Variants in SEMA4D observed in about 807,000 individuals in gnomAD.
The protein encoded by SEMA4D is semaphorin-4D.
Under a neutral mutation model 74.8 loss-of-function variants are expected in SEMA4D, and 22 were observed. That is an observed-to-expected ratio of 0.29 (90% CI 0.21 to 0.42). The LOEUF is 0.42. Ranked by LOEUF, SEMA4D falls within the 10% of genes least tolerant of loss-of-function variation. SEMA4D has a pLI of 1.00. For missense variants in SEMA4D, 937 were observed against 1,118.4 expected, an observed-to-expected ratio of 0.84 and a Z score of 2.31; for synonymous variants, 445 against 463.7, an observed-to-expected ratio of 0.96 and a Z score of 0.52.
Position 89,380,561 on chromosome 9 carries a change from G to A in SEMA4D, c.1663+494C>T, listed in dbSNP as rs182525645. Among the ~76,000 whole-genome samples the A allele has an allele frequency of 1.2e-4, 19 of 152,338 alleles. No individual in the cohort carries two copies. The East Asian group carries it at 1.4e-3, about 11-fold the overall frequency. On this transcript the variant is annotated intron_variant, in intron 15 of 15. Coordinates refer to ENST00000422704, the MANE Select transcript of SEMA4D (RefSeq NM_001371194.2). ...GGGTCAGGAAGACACAGAACTGAGG[G>A]TCAAGTCTGCCTTTAGCACCCTGGA...
intron 1 of SEMA4D, among the ~76,000 whole-genome samples, chr9:89,490,443 C>A (rs1436584953): frequency 6.6e-6 from 1 of 152,194 alleles, no homozygotes; most frequent in Non-Finnish European, 1.5e-5. Flanking sequence ...GAAAGCCATT[C>A]GAATCCAGTA....
At chr9:89,397,663 C>T (rs190015057) in intron 5 of SEMA4D, among the ~76,000 whole-genome samples, 12 of 152,350 alleles carry the variant, frequency 7.9e-5, no homozygotes, top group Admixed American at 3.3e-4. Context: ...TGCACACCCC[C>T]GGAAACCGGA....
At chr9:89,451,267 G>A (rs1397595076) in intron 2 of SEMA4D, among the ~76,000 whole-genome samples, 1 of 152,012 alleles carries the variant, frequency 6.6e-6, no homozygotes, top group Non-Finnish European at 1.5e-5. Context: ...ATTCGGTGTG[G>A]CCGACTCCTC....
At chr9:89,424,817 C>T (rs560908607) in intron 2 of SEMA4D, among the ~76,000 whole-genome samples, 6 of 152,256 alleles carry the variant, frequency 3.9e-5, no homozygotes, top group Admixed American at 1.3e-4. Context: ...CACCTTCTTA[C>T]GGCCCCTGTG....
intron 2 of SEMA4D, among the ~76,000 whole-genome samples, chr9:89,444,391 A>G (rs900290046): frequency 2.0e-5 from 3 of 152,172 alleles, no homozygotes; most frequent in Non-Finnish European, 4.4e-5. Context: ...CACACAGCAC[A>G]TGAGGGGACT....
chr9:89,379,745 T>A, intron 15 of SEMA4D, 116 bp from the exon 16 acceptor site: 1 of 1,240,908 alleles, frequency 8.1e-7, no homozygotes, highest in Non-Finnish European at 1.1e-6. Context: ...CAACATGGAA[T>A]CTTCCAGAAC....
chr9:89,413,926 A>C (rs1488314658), intron 2 of SEMA4D, among the ~76,000 whole-genome samples: 1 of 152,236 alleles, frequency 6.6e-6, no homozygotes, highest in Non-Finnish European at 1.5e-5. Flanking sequence ...GCATCTGTGC[A>C]TGTGTCACTC....
At chr9:89,397,430 G>A (rs1841227214) in intron 5 of SEMA4D, among the ~76,000 whole-genome samples, 1 of 152,146 alleles carries the variant, frequency 6.6e-6, no homozygotes, top group South Asian at 2.1e-4. Flanking sequence ...CCAACCCAGG[G>A]TCCCAGTCCA....
chr9:89,479,603 G>C (rs957214173), intron 1 of SEMA4D: 2 of 173,436 alleles, frequency 1.2e-5, no homozygotes, highest in African/African-American at 4.8e-5. Flanking sequence ...CCCTTCTGAT[G>C]TTCAGATGTG....
At chr9:89,437,301 C>A (rs1363996939) in intron 2 of SEMA4D, among the ~76,000 whole-genome samples, 1 of 152,232 alleles carries the variant, frequency 6.6e-6, no homozygotes, top group Non-Finnish European at 1.5e-5. Flanking sequence ...AGGTTTTCCT[C>A]CCACAGCGGC....
intron 1 of SEMA4D, among the ~76,000 whole-genome samples, chr9:89,474,023 T>A (rs1344027488): frequency 6.6e-6 from 1 of 151,550 alleles, no homozygotes; most frequent in Non-Finnish European, 1.5e-5. Context: ...AGAAGACGGG[T>A]ACCATGCCCA....
chr9:89,411,060 C>T (rs1350242407), intron 2 of SEMA4D, among the ~76,000 whole-genome samples: 1 of 152,162 alleles, frequency 6.6e-6, no homozygotes, highest in Non-Finnish European at 1.5e-5. Context: ...GGTCTTCTTT[C>T]TTAGGAAGCG....
chr9:89,383,444 C>G (rs1035040855), intron 13 of SEMA4D, among the ~76,000 whole-genome samples: 20 of 152,220 alleles, frequency 1.3e-4, no homozygotes, highest in Admixed American at 3.3e-4. Flanking sequence ...AAGATAATCA[C>G]AAGAATACAC....
intron 2 of SEMA4D, among the ~76,000 whole-genome samples, chr9:89,443,277 C>T (rs1199147991): frequency 1.3e-5 from 2 of 152,210 alleles, no homozygotes; most frequent in African/African-American, 4.8e-5. Context: ...CAGTGCTCAA[C>T]TGGACACACA....
At chr9:89,396,862 G>C in intron 5 of SEMA4D, 27 bp from the exon 6 acceptor site, 1 of 1,593,634 alleles carries the variant, frequency 6.3e-7, no homozygotes. Flanking sequence ...TGCACCATTA[G>C]CAACCGTCCA....
chr9:89,483,544 C>T (rs1051167529), intron 1 of SEMA4D, among the ~76,000 whole-genome samples: 2 of 152,146 alleles, frequency 1.3e-5, no homozygotes, highest in Admixed American at 6.5e-5. Context: ...ATTGACGTCA[C>T]GCTAAAATTT....
rs565867625 is a variant in SEMA4D, at chr9:89,458,134, G to A, written c.-309-2181C>T. Among the ~76,000 whole-genome samples the A allele has an allele frequency of 9.8e-5, 15 of 152,322 alleles. No individual in the cohort carries two copies. The East Asian group carries it at 2.7e-3, about 27-fold the overall frequency. ...GAATAAAAAGGCAGGCTGTGGAGGG[G>A]AGCCAGGGCAAGCCCACCACTCCAC... is the stretch of plus-strand genomic sequence containing the variant. On this transcript the variant is annotated intron_variant, in intron 1 of 15. Coordinates refer to ENST00000422704, the MANE Select transcript of SEMA4D (RefSeq NM_001371194.2).
chr9:89,388,046 T>A (rs753074631), intron 11 of SEMA4D, among the ~76,000 whole-genome samples: 3 of 152,228 alleles, frequency 2.0e-5, no homozygotes, highest in Non-Finnish European at 4.4e-5. Context: ...CCAAAATCTG[T>A]GACCATGAGT....
intron 1 of SEMA4D, among the ~76,000 whole-genome samples, chr9:89,473,174 A>G (rs1289350664): frequency 6.6e-6 from 1 of 152,218 alleles, no homozygotes; most frequent in Non-Finnish European, 1.5e-5. Context: ...AGATATTGTA[A>G]ATGATACTAC....
Sources: allele counts gnomAD v4.1 joint callset (sites outside exome capture counted in the v4.1 genomes callset), GRCh38; gene constraint gnomAD v4.1.1; transcripts MANE v1.5; gene names NCBI Gene and HGNC (gene_info 2026-07-23, HGNC 2026-07-21).